DPP10: variants seen among roughly 807,000 people sequenced by gnomAD.
DPP10 encodes dipeptidyl peptidase like 10.
In DPP10, 33 loss-of-function variants were observed where a neutral mutation model predicts 120.9. The observed-to-expected ratio is 0.27, with a 90% confidence interval of 0.21 to 0.37. DPP10 has a LOEUF of 0.37. DPP10 is among the 10% of genes least tolerant of loss of function. The pLI is 1.00. For synonymous variants in DPP10, 337 were observed against 326.1 expected, an observed-to-expected ratio of 1.03 and a Z score of -0.36; for missense variants, 816 against 942.8, an observed-to-expected ratio of 0.87 and a Z score of 1.76.
chr2:115,516,619 T>G (rs182601053), intron 4 of DPP10, among the ~76,000 whole-genome samples: 1 of 151,286 alleles, frequency 6.6e-6, no homozygotes, highest in Non-Finnish European at 1.5e-5. Context: ...CAGAATCTTC[T>G]TAATGGTCAG....
At chr2:115,157,686 T>C (rs572048391) in intron 1 of DPP10, among the ~76,000 whole-genome samples, 1 of 152,224 alleles carries the variant, frequency 6.6e-6, no homozygotes, top group South Asian at 2.1e-4. Context: ...TTGAGGTGAG[T>C]AGAGGTCATT....
intron 1 of DPP10, among the ~76,000 whole-genome samples, chr2:114,492,179 CTAAT>C (rs1487324842): frequency 2.6e-5 from 4 of 152,062 alleles, no homozygotes; most frequent in Non-Finnish European, 5.9e-5. Context: ...TTTAAAATAT[CTAAT>C]TAATATATTA....
chr2:115,210,588 C>T (rs887799844), intron 1 of DPP10, among the ~76,000 whole-genome samples: 16 of 152,082 alleles, frequency 1.1e-4, no homozygotes, highest in Non-Finnish European at 2.1e-4. Flanking sequence ...CTTGAGGAAT[C>T]GCCACACTGT....
intron 1 of DPP10, among the ~76,000 whole-genome samples, chr2:114,770,393 T>A (rs10496472): frequency 0.065 from 9,837 of 152,208 alleles, 962 homozygotes; most frequent in African/African-American, 0.21. Flanking sequence ...ATTACTTTTT[T>A]ACATTACTGT....
intron 2 of DPP10, among the ~76,000 whole-genome samples, chr2:115,326,108 T>C (rs751221055): frequency 6.6e-6 from 1 of 152,174 alleles, no homozygotes; most frequent in Non-Finnish European, 1.5e-5. Context: ...GTAATATGAA[T>C]TGGTCATTTG....
At chr2:115,802,230 T>C (rs1685338472) in intron 19 of DPP10, among the ~76,000 whole-genome samples, 1 of 152,228 alleles carries the variant, frequency 6.6e-6, no homozygotes, top group African/African-American at 2.4e-5. Context: ...TAGAGGTGTT[T>C]ATAGTATTCT....
At chr2:114,488,019 A>G (rs1681659553) in intron 1 of DPP10, among the ~76,000 whole-genome samples, 1 of 152,246 alleles carries the variant, frequency 6.6e-6, no homozygotes, top group African/African-American at 2.4e-5. Flanking sequence ...TTTTATTCCA[A>G]TAAAGTCTTC....
intron 22 of DPP10, 108 bp from the exon 23 acceptor site, chr2:115,836,399 T>C: frequency 5.5e-6 from 8 of 1,456,586 alleles, no homozygotes; most frequent in Non-Finnish European, 7.5e-6. Context: ...TTGATTCAGC[T>C]GATTTTACTA....
intron 1 of DPP10, among the ~76,000 whole-genome samples, chr2:114,851,801 T>A (rs1304109484): frequency 1.3e-5 from 2 of 152,202 alleles, no homozygotes; most frequent in East Asian, 3.9e-4. Flanking sequence ...CGCATGTCTG[T>A]CTGTAACTAG....
intron 3 of DPP10, among the ~76,000 whole-genome samples, chr2:115,479,163 T>C (rs567508734): frequency 5.9e-4 from 90 of 152,248 alleles, no homozygotes; most frequent in Non-Finnish European, 1.1e-3. Context: ...TAAGTGTCCA[T>C]TGATGGATGA....
intron 5 of DPP10, among the ~76,000 whole-genome samples, chr2:115,558,192 G>A (rs1241005713): frequency 6.6e-6 from 1 of 152,190 alleles, no homozygotes; most frequent in Non-Finnish European, 1.5e-5. Context: ...ATTCAGAGGG[G>A]CAGCTGGATC....
At chr2:115,156,795 G>A (rs1219441740) in intron 1 of DPP10, among the ~76,000 whole-genome samples, 2 of 152,126 alleles carry the variant, frequency 1.3e-5, no homozygotes, top group South Asian at 2.1e-4. Flanking sequence ...GGACAAATGC[G>A]ATGCCAATGT....
chr2:115,454,398 G>C (rs1209514630), intron 3 of DPP10, among the ~76,000 whole-genome samples: 1 of 151,496 alleles, frequency 6.6e-6, no homozygotes, highest in East Asian at 1.9e-4. Context: ...GACCATGTAG[G>C]ATATATTCCA....
At chr2:115,044,617 T>C (rs1234347369) in intron 1 of DPP10, among the ~76,000 whole-genome samples, 1 of 152,062 alleles carries the variant, frequency 6.6e-6, no homozygotes, top group Admixed American at 6.5e-5. Context: ...ACCTCCAGCA[T>C]TGGGGATTAC....
At chr2:114,727,767 T>A (rs1209465495) in intron 1 of DPP10, among the ~76,000 whole-genome samples, 1 of 152,182 alleles carries the variant, frequency 6.6e-6, no homozygotes, top group Non-Finnish European at 1.5e-5. Context: ...TTCTAGGAGG[T>A]ACCACAAATA....
At chr2:115,466,802 C>T (rs2074355771) in intron 3 of DPP10, among the ~76,000 whole-genome samples, 1 of 152,098 alleles carries the variant, frequency 6.6e-6, no homozygotes, top group Non-Finnish European at 1.5e-5. Flanking sequence ...GTTACTGGAT[C>T]TCTTTAGGTT....
At chr2:115,015,299 C>G (rs1702556115) in intron 1 of DPP10, among the ~76,000 whole-genome samples, 1 of 152,182 alleles carries the variant, frequency 6.6e-6, no homozygotes, top group African/African-American at 2.4e-5. Context: ...TAAAATTCAA[C>G]AGCTCTTCAT....
At chr2:115,375,897 C>A (rs527393981) in intron 3 of DPP10, among the ~76,000 whole-genome samples, 2 of 152,312 alleles carry the variant, frequency 1.3e-5, no homozygotes, top group African/African-American at 4.8e-5. Context: ...TCCCATCAGA[C>A]CCATTCCCCA....
chr2:115,031,918 G>C (rs967786870), intron 1 of DPP10, among the ~76,000 whole-genome samples: 2 of 151,938 alleles, frequency 1.3e-5, no homozygotes, highest in Non-Finnish European at 2.9e-5. Context: ...AATATACTAC[G>C]ACAATAATAG....
Sources: gnomAD v4.1 joint callset for allele counts (sites outside exome capture counted in the v4.1 genomes callset) on GRCh38, gnomAD v4.1.1 for gene constraint, MANE v1.5 for transcripts, NCBI Gene and HGNC (gene_info 2026-07-23, HGNC 2026-07-21) for gene names.